The following GABRB3 variants were observed in gnomAD, a reference collection of about 807,000 sequenced individuals.
The protein encoded by GABRB3 is gamma-aminobutyric acid type A receptor subunit beta3.
In GABRB3, 14 loss-of-function variants were observed where a neutral mutation model predicts 52.1. That is an observed-to-expected ratio of 0.27 (90% CI 0.18 to 0.42). GABRB3 has a LOEUF of 0.42. Among genes scored for constraint, GABRB3 ranks in the 10% least tolerant of loss-of-function variants. The pLI is 1.00. For synonymous variants in GABRB3, 260 were observed against 232.3 expected (o/e 1.12, Z -1.08); for missense variants, 307 against 609.1 (o/e 0.50, Z 5.22).
intron 4 of GABRB3, among the ~76,000 whole-genome samples, chr15:26,603,914 G>A (rs1017031794): frequency 1.4e-4 from 21 of 152,068 alleles, no homozygotes; most frequent in African/African-American, 5.1e-4. Context: ...AGTACTGTAA[G>A]TCCTAGCTAC....
intron 3 of GABRB3, among the ~76,000 whole-genome samples, chr15:26,733,025 GA>G (rs1174118438): frequency 6.6e-6 from 1 of 150,796 alleles, no homozygotes; most frequent in African/African-American, 2.4e-5. Flanking sequence ...AGCCATATAT[GA>G]AAAACTCACA....
intron 6 of GABRB3, among the ~76,000 whole-genome samples, chr15:26,578,010 C>A (rs1215011545): frequency 6.6e-6 from 1 of 152,122 alleles, no homozygotes; most frequent in African/African-American, 2.4e-5. Flanking sequence ...TGGGCAGGAA[C>A]CCCTGGCCTC....
chr15:26,580,577 G>A, intron 5 of GABRB3, 121 bp from the exon 6 acceptor site: 3 of 1,262,766 alleles, frequency 2.4e-6, no homozygotes, highest in South Asian at 1.2e-5. Context: ...TTTGCTTAAT[G>A]TGCTTGTCTA....
chr15:26,557,915 T>C (rs1054398479), intron 8 of GABRB3: 26 of 152,228 alleles, frequency 1.7e-4, no homozygotes, highest in African/African-American at 6.0e-4. Flanking sequence ...TTATCTTAGA[T>C]TTTAAGCCTC....
chr15:26,651,709 C>T (rs1887203496), intron 3 of GABRB3, among the ~76,000 whole-genome samples: 2 of 152,314 alleles, frequency 1.3e-5, no homozygotes, highest in South Asian at 2.1e-4. Flanking sequence ...CATAACATCT[C>T]ATTTTGATGG....
At chr15:26,584,479 A>AT (rs1172041313) in intron 4 of GABRB3, among the ~76,000 whole-genome samples, 3 of 152,086 alleles carry the variant, frequency 2.0e-5, no homozygotes, top group South Asian at 4.1e-4. Context: ...TATTACAGAA[A>AT]TTGTTTTACT....
At chr15:26,724,489 T>G (rs913701713) in intron 3 of GABRB3, among the ~76,000 whole-genome samples, 1 of 152,130 alleles carries the variant, frequency 6.6e-6, no homozygotes, top group Non-Finnish European at 1.5e-5. Context: ...CAACCAACTG[T>G]CTGAGGCTGC....
chr15:26,760,244 T>C lies in GABRB3; in HGVS notation c.240+12158A>G, dbSNP rs376301868. 1.1e-4 allele frequency among the ~76,000 whole-genome samples: 17 copies of C among 152,234 alleles called. 1 individual carries two copies. The highest frequency in any genetic ancestry group is 3.4e-4 in the African/African-American group (14 of 41,534). On this transcript the variant is annotated intron_variant, in intron 3 of 8. Coordinates refer to ENST00000311550, the MANE Select transcript of GABRB3 (RefSeq NM_000814.6). ...GAAGCTGTGGTCTGTGTAAAGCAAA[T>C]AGAAGGTCTCCTTATGTTTCAAACA...
chr15:26,709,787 G>A (rs28860332), intron 3 of GABRB3, among the ~76,000 whole-genome samples: 3,170 of 152,106 alleles, frequency 0.021, 108 homozygotes, highest in African/African-American at 0.073. Context: ...AAAGTGCTGG[G>A]ATTACAGGCG....
At chr15:26,766,613 A>G (rs981485458) in intron 3 of GABRB3, among the ~76,000 whole-genome samples, 1 of 151,610 alleles carries the variant, frequency 6.6e-6, no homozygotes, top group Admixed American at 6.6e-5. Context: ...TTTATTTACC[A>G]TTATCCAAGG....
At position 26,562,437 on chromosome 15, in the gene GABRB3, G is replaced by A. The variant is rs568523188; in HGVS notation, c.836-1261C>T. Among the ~76,000 whole-genome samples, 4 of 152,272 alleles carry A rather than the reference G, an allele frequency of 2.6e-5. No homozygotes were observed. In the East Asian group the frequency reaches 7.7e-4, roughly 29 times the overall value. On this transcript the variant is annotated intron_variant, in intron 7 of 8. Coordinates refer to ENST00000311550, the MANE Select transcript of GABRB3 (RefSeq NM_000814.6). Reference sequence around the variant, plus strand: ...AAAAAGGAGACTTTCAAAGGAGAGAGCTTAACCATAATCCTTCATCCTCAG... The same window carrying A: ...AAAAAGGAGACTTTCAAAGGAGAGAACTTAACCATAATCCTTCATCCTCAG...
Position 26,659,855 on chromosome 15 carries a change from C to T in GABRB3, c.241-38321G>A, listed in dbSNP as rs548287113. Among the ~76,000 whole-genome samples, 3 of 152,224 alleles carry T rather than the reference C, an allele frequency of 2.0e-5. No homozygotes were observed. In the East Asian group the frequency reaches 5.8e-4, roughly 30 times the overall value. ...GTTACATTGTAAAAGCATCTTGTTG[C>T]CAGTATTGTCAGGAATCATGGAGGA... On this transcript the variant is annotated intron_variant, in intron 3 of 8. Transcript: ENST00000311550.
At chr15:26,602,531 C>T (rs575731223) in intron 4 of GABRB3, among the ~76,000 whole-genome samples, 4 of 152,110 alleles carry the variant, frequency 2.6e-5, no homozygotes, top group African/African-American at 7.2e-5. Context: ...AAGTTTAAAA[C>T]GTTGAAAGAA....
chr15:26,558,771 C>G (rs1412522805), intron 8 of GABRB3, among the ~76,000 whole-genome samples: 3 of 151,628 alleles, frequency 2.0e-5, no homozygotes, highest in African/African-American at 7.3e-5. Context: ...GGCGCGGTGG[C>G]AGGTGCCTGT....
chr15:26,629,066 G>A, intron 3 of GABRB3: 1 of 1,536,088 alleles, frequency 6.5e-7, no homozygotes. Flanking sequence ...GAGAGCCTCC[G>A]CCACGCTAAC....
At chr15:26,658,264 A>C (rs2140604922) in intron 3 of GABRB3, among the ~76,000 whole-genome samples, 1 of 152,294 alleles carries the variant, frequency 6.6e-6, no homozygotes, top group South Asian at 2.1e-4. Flanking sequence ...CTATCTCTAA[A>C]AAAAACCCCA....
In GABRB3 at chr15:26,772,836, G is replaced by T. The variant is rs1192411463; in HGVS notation, c.80+47C>A. On this transcript the variant is annotated intron_variant, in intron 1 of 8. Coordinates refer to ENST00000311550, the MANE Select transcript of GABRB3 (RefSeq NM_000814.6). ...GGCGGCTCAGCCGCCAGCGCCCCGCGCACCCCGCGCCCTGCCCGCCGCCCG... is the reference window on the plus strand; with the variant it reads ...GGCGGCTCAGCCGCCAGCGCCCCGCTCACCCCGCGCCCTGCCCGCCGCCCG... 35 of 1,448,728 alleles carry T rather than the reference G, an allele frequency of 2.4e-5. No individual in the cohort carries two copies. The East Asian group carries it at 9.4e-4, about 39-fold the overall frequency. The allele number at this position is 1,448,728 out of a possible 1,614,324, so 89.7% of individuals were successfully genotyped here. A position where few individuals can be genotyped will look rare whatever the true frequency, so the allele number is the denominator to read the frequency against.
chr15:26,698,272 T>C (rs572071777), intron 3 of GABRB3, among the ~76,000 whole-genome samples: 13 of 152,204 alleles, frequency 8.5e-5, no homozygotes, highest in Admixed American at 1.3e-4. Flanking sequence ...TGTTTACCCA[T>C]AGACTCCACA....
At chr15:26,656,255 C>T (rs1308254559) in intron 3 of GABRB3, among the ~76,000 whole-genome samples, 2 of 152,168 alleles carry the variant, frequency 1.3e-5, no homozygotes, top group Non-Finnish European at 2.9e-5. Flanking sequence ...CTCTCATTTC[C>T]CTCCAGCTCC....
Sources: allele counts gnomAD v4.1 joint callset (sites outside exome capture counted in the v4.1 genomes callset), GRCh38; gene constraint gnomAD v4.1.1; transcripts MANE v1.5; gene names NCBI Gene and HGNC (gene_info 2026-07-23, HGNC 2026-07-21).